Variants in TRPA1 observed in about 807,000 individuals in gnomAD.
TRPA1 encodes transient receptor potential cation channel subfamily A member 1.
Under a neutral mutation model 131.3 loss-of-function variants are expected in TRPA1, and 129 were observed. The observed-to-expected ratio is 0.98, with a 90% CI of 0.85 to 1.14. The LOEUF (loss-of-function observed/expected upper bound fraction) is 1.14. TRPA1 is among the 50% of genes most tolerant of loss of function. The pLI, the probability that TRPA1 is intolerant of heterozygous loss-of-function variation, is 0.00. For missense variants in TRPA1, 1,304 were observed against 1,354.2 expected, an observed-to-expected ratio of 0.96 and a Z score of 0.58; for synonymous variants, 441 against 451.7, an observed-to-expected ratio of 0.98 and a Z score of 0.30.
intron 17 of TRPA1, among the ~76,000 whole-genome samples, chr8:72,046,266 T>C (rs1455730274): frequency 1.3e-5 from 2 of 151,972 alleles, no homozygotes; most frequent in Non-Finnish European, 2.9e-5. Context: ...ATGGAAGATA[T>C]AGACATAGAA....
At chr8:72,083,774 A>C in the TRPA1 span, among the ~76,000 whole-genome samples, 35 of 150,938 alleles carry the variant, frequency 2.3e-4, no homozygotes, top group Non-Finnish European at 2.8e-4. Flanking sequence ...CAAACAAAAA[A>C]AAATTTTTCT....
intron 15 of TRPA1, among the ~76,000 whole-genome samples, chr8:72,050,320 CT>C (rs1718216417): frequency 6.6e-6 from 1 of 152,126 alleles, no homozygotes; most frequent in African/African-American, 2.4e-5. Flanking sequence ...CAATTCCTGC[CT>C]TGTGAGAAGG....
At chr8:72,031,242 T>G (rs1262884071) in intron 23 of TRPA1, among the ~76,000 whole-genome samples, 2 of 152,290 alleles carry the variant, frequency 1.3e-5, no homozygotes, top group African/African-American at 2.4e-5. Flanking sequence ...TTTGCAAGTG[T>G]TCAGATGGGT....
At chr8:72,082,713 T>C in the TRPA1 span, among the ~76,000 whole-genome samples, 2 of 152,076 alleles carry the variant, frequency 1.3e-5, no homozygotes, top group Non-Finnish European at 1.5e-5. Context: ...TAAGTAGTTT[T>C]TCTCTTCCTA....
In TRPA1 at chr8:72,034,524, A is replaced by T. The variant is rs1258513572; in HGVS notation, c.2556-147T>A. 3 of 517,124 alleles carry T rather than the reference A, an allele frequency of 5.8e-6. No homozygotes were observed. The East Asian group carries it at 1.1e-4, about 18-fold the overall frequency. The allele number at this position is 517,124 out of a possible 1,614,324, so 32.0% of individuals were successfully genotyped here. ...GTTATTTTGAAAAAGAAAACATAAG[A>T]ATTAATTGAATAATCATGTCTTAAT... On this transcript the variant is annotated intron_variant, in intron 21 of 26. Coordinates refer to ENST00000262209, the MANE Select transcript of TRPA1 (RefSeq NM_007332.3).
In TRPA1 at chr8:72,059,426, A is replaced by G; in HGVS notation, c.957T>C (p.Phe319=). ...HETMLHRASL[F]DHHELADYLI... is the part of the protein sequence containing the mutation. ...AATAGTCTGCTAGCTCATGGTGATC[A>G]AACAATGAAGCTCTGAAAAAACAGA... Residue 319 remains phenylalanine, a synonymous_variant, in exon 8 of 27, where the codon TTT becomes TTC. Transcript: ENST00000262209. 2 of 1,584,190 alleles carry G rather than the reference A, an allele frequency of 1.3e-6. No individual in the cohort carries two copies. The highest frequency in any genetic ancestry group is 1.7e-6 in the Non-Finnish European group (2 of 1,158,564).
chr8:72,065,420 G>A, intron 4 of TRPA1, 31 bp downstream of exon 4: 1 of 1,504,758 alleles, frequency 6.6e-7, no homozygotes, highest in Middle Eastern at 1.8e-4. Context: ...AAAAGATAAA[G>A]AAAGCAGACA....
At chr8:72,039,197 A>C (rs1480999078) in intron 18 of TRPA1, among the ~76,000 whole-genome samples, 170 bp from the exon 19 acceptor site, 1 of 152,076 alleles carries the variant, frequency 6.6e-6, no homozygotes, top group East Asian at 1.9e-4. Flanking sequence ...TCAGAGAAGG[A>C]ACCTCAAGTT....
intron 16 of TRPA1, 86 bp downstream of exon 16, chr8:72,047,062 A>G: frequency 9.8e-7 from 1 of 1,020,000 alleles, no homozygotes; most frequent in East Asian, 2.6e-5. Flanking sequence ...GCAGTAGATT[A>G]CAGATCAATA....
At chr8:72,037,751 C>T (rs1232918793) in intron 20 of TRPA1, among the ~76,000 whole-genome samples, 5 of 151,878 alleles carry the variant, frequency 3.3e-5, no homozygotes, top group African/African-American at 1.2e-4. Context: ...GTTTAAGGAC[C>T]AGTAAAAGTG....
chr8:72,045,402 C>T (rs761328935), intron 17 of TRPA1, among the ~76,000 whole-genome samples: 5 of 151,428 alleles, frequency 3.3e-5, no homozygotes, highest in Admixed American at 6.6e-5. Context: ...TCTGCAATGA[C>T]GAAAATGTTT....
intron 1 of TRPA1, among the ~76,000 whole-genome samples, chr8:72,074,467 T>G (rs1169024315): frequency 6.6e-6 from 1 of 152,172 alleles, no homozygotes; most frequent in African/African-American, 2.4e-5. Context: ...TAAGAAACTG[T>G]TAACATGGTC....
chr8:72,052,786 C>G (rs983726454), intron 13 of TRPA1, 21 bp from the exon 14 acceptor site: 7 of 1,611,704 alleles, frequency 4.3e-6, no homozygotes, highest in Non-Finnish European at 5.9e-6. Context: ...AAAACAGACA[C>G]AGAAAACGTG....
intron 2 of TRPA1, among the ~76,000 whole-genome samples, chr8:72,071,153 G>A (rs140093440): frequency 2.6e-5 from 4 of 152,132 alleles, no homozygotes; most frequent in Admixed American, 6.5e-5. Context: ...TACCAAAATA[G>A]CTTTTTAGCT....
At chr8:72,072,882 C>A (rs1222578831) in intron 1 of TRPA1, among the ~76,000 whole-genome samples, 1 of 152,132 alleles carries the variant, frequency 6.6e-6, no homozygotes, top group Non-Finnish European at 1.5e-5. Context: ...ATTGAATTCA[C>A]AATAACAAAA....
intron 21 of TRPA1, among the ~76,000 whole-genome samples, chr8:72,035,350 A>G (rs748464717): frequency 1.3e-5 from 2 of 152,124 alleles, no homozygotes; most frequent in Non-Finnish European, 2.9e-5. Context: ...TTCTCACCAT[A>G]CCACGTACTC....
chr8:72,055,098 A>G (rs1033993262), intron 12 of TRPA1: 5 of 302,752 alleles, frequency 1.7e-5, no homozygotes, highest in African/African-American at 8.9e-5. Flanking sequence ...TTGTATCTAT[A>G]TAGGAATATG....
At chr8:72,055,409 A>G (rs766967332) in intron 12 of TRPA1, 27 bp downstream of exon 12, 5 of 1,605,164 alleles carry the variant, frequency 3.1e-6, no homozygotes, top group African/African-American at 2.7e-5. Context: ...AAGAAATTAT[A>G]TAAACACTCC....
intron 13 of TRPA1, chr8:72,053,007 AAGAGAGAG>A (rs57169742): frequency 0.17 from 40,432 of 231,600 alleles, 2,907 homozygotes; most frequent in Middle Eastern, 0.24. Flanking sequence ...GAGATAGAGA[AAGAGAGAG>A]AGAGAGAGAG....
Sources: allele counts gnomAD v4.1 joint callset (sites outside exome capture counted in the v4.1 genomes callset), GRCh38; gene constraint gnomAD v4.1.1; transcripts MANE v1.5; gene names NCBI Gene and HGNC (gene_info 2026-07-23, HGNC 2026-07-21).